The following LYST variants were observed in gnomAD, a reference collection of about 807,000 sequenced individuals.
LYST encodes lysosomal trafficking regulator, also known as lysosomal-trafficking regulator.
A neutral mutation model predicts 413.6 loss-of-function variants in LYST; 192 were observed. The ratio of observed to expected loss-of-function variants is 0.46; its 90% confidence interval spans 0.41 to 0.52. The LOEUF (loss-of-function observed/expected upper bound fraction) is 0.52. Among genes scored for constraint, LYST ranks in the 20% least tolerant of loss-of-function variants. The pLI, the probability that LYST is intolerant of heterozygous loss-of-function variation, is 0.00. For synonymous variants in LYST, 1,525 were observed against 1,567.3 expected, an observed-to-expected ratio of 0.97 and a Z score of 0.64; for missense variants, 3,815 against 4,499.9, an observed-to-expected ratio of 0.85 and a Z score of 4.35.
chr1:235,788,343 T>G (rs1418319532), intron 13 of LYST, among the ~76,000 whole-genome samples: 1 of 151,772 alleles, frequency 6.6e-6, no homozygotes, highest in Non-Finnish European at 1.5e-5. Flanking sequence ...TGGTTTTTTG[T>G]TTTTTTGTTT....
intron 1 of LYST, among the ~76,000 whole-genome samples, chr1:235,882,652 G>A (rs1381072719): frequency 2.6e-5 from 4 of 152,142 alleles, no homozygotes; most frequent in African/African-American, 4.8e-5. Context: ...GTGGTGAGTG[G>A]AAGCTAACGA....
intron 31 of LYST, among the ~76,000 whole-genome samples, chr1:235,739,521 T>C (rs1665143619): frequency 6.7e-6 from 1 of 149,328 alleles, no homozygotes. Flanking sequence ...TACATTACCA[T>C]ATTATGTAAA....
intron 37 of LYST, among the ~76,000 whole-genome samples, chr1:235,728,633 C>T (rs1273790311): frequency 6.6e-6 from 1 of 152,142 alleles, no homozygotes; most frequent in East Asian, 1.9e-4. Context: ...GTTTCATAGG[C>T]TGGCTGTTGC....
intron 50 of LYST, among the ~76,000 whole-genome samples, chr1:235,676,125 C>T (rs948672374): frequency 2.0e-5 from 3 of 152,140 alleles, no homozygotes; most frequent in African/African-American, 7.2e-5. Flanking sequence ...TATGAAACAA[C>T]AACAACAAAA....
chr1:235,693,338 T>C lies in LYST; in HGVS notation c.10701+12A>G. 6.3e-7 allele frequency: 1 copy of C among 1,578,456 alleles called. No individual in the cohort carries two copies. The highest frequency in any genetic ancestry group is 1.3e-5 in the African/African-American group (1 of 74,320). On this transcript the variant is annotated intron_variant, in intron 47 of 52. Transcript: ENST00000389793. Reference sequence around the variant, plus strand: ...TTAAAAATAAATAAATAAAATAAAATAAAGTGTTTACCTGGTACTGTTGTG... The same window carrying C: ...TTAAAAATAAATAAATAAAATAAAACAAAGTGTTTACCTGGTACTGTTGTG...
At chr1:235,773,219 T>G (rs868011033) in intron 19 of LYST, among the ~76,000 whole-genome samples, 1 of 151,762 alleles carries the variant, frequency 6.6e-6, no homozygotes. Flanking sequence ...CTTGGGAGGC[T>G]GAGGTAGGAG....
rs530200552 is a variant in LYST, at chr1:235,749,354, T to C, written c.7780+1856A>G. ...CAACAACCGAACACATATAAAGTGG[T>C]ATTTTGCAAACTAGATTCACAAAGA... On this transcript the variant is annotated intron_variant, in intron 28 of 52. Transcript: ENST00000389793. 2.0e-5 allele frequency among the ~76,000 whole-genome samples: 3 copies of C among 152,162 alleles called. No homozygotes were observed. In the East Asian group the frequency reaches 5.8e-4, roughly 29 times the overall value.
Position 235,809,032 on chromosome 1 carries a change from G to A in LYST, c.1786C>T (p.Leu596Phe), listed in dbSNP as rs1001524041. The A allele has an allele frequency of 1.9e-6, 3 of 1,614,026 alleles. No individual in the cohort carries two copies. The highest frequency in any genetic ancestry group is 8.5e-7 in the Non-Finnish European group (1 of 1,179,888). ...MDPKSVIIPLLHAFKLPALKN... is the reference protein window; with the variant it reads ...MDPKSVIIPLFHAFKLPALKN... ...AGTGCTGGCAATTTAAAAGCATGGAGCAAAGGAATGATTACAGATTTGGGA... is the reference window on the plus strand; with the variant it reads ...AGTGCTGGCAATTTAAAAGCATGGAACAAAGGAATGATTACAGATTTGGGA... Residue 596 changes from leucine to phenylalanine, a missense_variant, in exon 5 of 53, where the codon CTC (leucine) becomes TTC (phenylalanine). This residue lies in a region of LYST where 1,648 missense variants were observed against 1,810.3 expected (regional missense o/e 0.91). Transcript: ENST00000389793. This position sits in a 1 kb window ranked among gnomAD's most constrained non-coding sequence, Gnocchi z 4.0.
intron 1 of LYST, among the ~76,000 whole-genome samples, chr1:235,848,207 C>T (rs1678100853): frequency 1.3e-5 from 2 of 152,082 alleles, no homozygotes; most frequent in Non-Finnish European, 2.9e-5. Flanking sequence ...CGGCATAAAA[C>T]TGGAAATCAA....
upstream of LYST, among the ~76,000 whole-genome samples, chr1:235,867,431 G>A (rs1299675541): frequency 6.6e-6 from 1 of 152,172 alleles, no homozygotes; most frequent in Non-Finnish European, 1.5e-5. Flanking sequence ...CTTCCTCTGG[G>A]ACCTGGAAAA....
chr1:235,705,844 T>C (rs1377623257), intron 44 of LYST, among the ~76,000 whole-genome samples: 1 of 152,130 alleles, frequency 6.6e-6, no homozygotes, highest in Non-Finnish European at 1.5e-5. Flanking sequence ...CAGGCTGGAG[T>C]GCAGTGGCAT....
rs532794239 is a variant in LYST at position 235,825,808 on chromosome 1, T to C, written c.192+4418A>G. ...CTTAAATGAAATCCTAGTGTGCATTTTGTAGAAATAACAAGTTGATTCTAA... is the reference window on the plus strand; with the variant it reads ...CTTAAATGAAATCCTAGTGTGCATTCTGTAGAAATAACAAGTTGATTCTAA... On this transcript the variant is annotated intron_variant, in intron 3 of 52. Coordinates refer to ENST00000389793, the MANE Select transcript of LYST (RefSeq NM_000081.4). Among the ~76,000 whole-genome samples, 6 of 152,290 alleles carry C rather than the reference T, an allele frequency of 3.9e-5. No individual in the cohort carries two copies. The South Asian group carries it at 1.0e-3, about 26-fold the overall frequency.
At chr1:235,787,480 G>T in intron 13 of LYST, 107 bp from the exon 14 acceptor site, 1 of 983,306 alleles carries the variant, frequency 1.0e-6, no homozygotes, top group Non-Finnish European at 1.6e-6. Context: ...TTAAAAATCA[G>T]TTCTATTTTT....
intron 10 of LYST, among the ~76,000 whole-genome samples, chr1:235,799,750 C>T (rs1671987095): frequency 6.6e-6 from 1 of 151,912 alleles, no homozygotes; most frequent in South Asian, 2.1e-4. Flanking sequence ...GTTACAGTCC[C>T]CACTATGCCA....
In LYST at chr1:235,806,558, G is replaced by A. The variant is rs1217387382; in HGVS notation, c.2578C>T (p.His860Tyr). 1 of 1,613,968 alleles carries A rather than the reference G, an allele frequency of 6.2e-7. No homozygotes were observed. Among genetic ancestry groups the A allele is most frequent in the African/African-American group, 1.3e-5 (1 of 75,024 alleles). ...SSVHVGTSFH[H>Y]QQAYSDSPQS... ...GGAGAATCTGAATAAGCTTGCTGAT[G>A]ATGAAAAGAAGTACCCACATGTACA... The change falls in exon 6 of 53, where the codon CAT becomes TAT. Residue 860 changes from histidine (H) to tyrosine (Y), a missense_variant. His to Tyr is a moderately conservative substitution (Grantham distance 83). This residue lies in a region of LYST where 1,648 missense variants were observed against 1,810.3 expected (regional missense o/e 0.91). Coordinates refer to ENST00000389793, the MANE Select transcript of LYST (RefSeq NM_000081.4).
intron 50 of LYST, among the ~76,000 whole-genome samples, chr1:235,669,429 G>T (rs550446772): frequency 1.7e-4 from 26 of 152,372 alleles, no homozygotes; most frequent in African/African-American, 6.0e-4. Flanking sequence ...CACGTTTTCT[G>T]CTGGCAGATG....
At chr1:235,791,480 C>T in intron 12 of LYST, 1 of 518,854 alleles carries the variant, frequency 1.9e-6, no homozygotes. Context: ...TGTGGTGTCC[C>T]CTTCACCCCT....
At chr1:235,715,169 C>T (rs2103135595) in intron 42 of LYST, 32 bp downstream of exon 42, 1 of 1,587,212 alleles carries the variant, frequency 6.3e-7, no homozygotes, top group Non-Finnish European at 8.6e-7. Flanking sequence ...GATGACCCAA[C>T]ATGACTTTTT....
intron 20 of LYST, among the ~76,000 whole-genome samples, chr1:235,766,772 T>G: frequency 6.6e-6 from 1 of 152,132 alleles, no homozygotes; most frequent in East Asian, 1.9e-4. Context: ...AGTGATAAAC[T>G]ACAATCACTA....
Sources: allele counts gnomAD v4.1 joint callset (sites outside exome capture counted in the v4.1 genomes callset), GRCh38; gene constraint gnomAD v4.1.1; regional missense constraint gnomAD v4.1.1; non-coding constraint Gnocchi (gnomAD v3.1); transcripts MANE v1.5; gene names NCBI Gene and HGNC (gene_info 2026-07-23, HGNC 2026-07-21).